The following SASS6 variants were observed in gnomAD, a reference collection of about 807,000 sequenced individuals.
SASS6 encodes SAS-6 centriolar assembly protein.
In SASS6, 59 loss-of-function variants were observed where a neutral mutation model predicts 94.9. The ratio of observed to expected loss-of-function variants is 0.62; its 90% CI spans 0.50 to 0.77. SASS6 has a LOEUF of 0.77. Ranked by LOEUF, SASS6 falls within the 30% of genes least tolerant of loss-of-function variation. SASS6 has a pLI of 0.00. For synonymous variants in SASS6, 264 were observed against 270.0 expected (o/e 0.98, Z 0.22); for missense variants, 698 against 734.1 (o/e 0.95, Z 0.57).
At chr1:100,103,152 G>A in intron 13 of SASS6, 69 bp from the exon 14 acceptor site, 1 of 993,226 alleles carries the variant, frequency 1.0e-6, no homozygotes. Context: ...TTGATCAGGT[G>A]GCATTAGCAT....
chr1:100,130,689 G>GAAA lies in SASS6; in HGVS notation c.65+2058_65+2060dup, dbSNP rs369101016. Among the ~76,000 whole-genome samples, 20 of 135,130 alleles carry GAAA rather than the reference G, an allele frequency of 1.5e-4. 1 individual carries two copies. Among genetic ancestry groups the GAAA allele is most frequent in the East Asian group, 6.4e-4 (3 of 4,724 alleles). The allele number at this position is 135,130 out of a possible 152,430, so 88.7% of individuals were successfully genotyped here. A position where few individuals can be genotyped will look rare whatever the true frequency, so the allele number is the denominator to read the frequency against. On this transcript the variant is annotated intron_variant, in intron 1 of 16. Coordinates refer to ENST00000287482, the MANE Select transcript of SASS6 (RefSeq NM_194292.3). ...GGGCAACAGAGCGAGACTCTGTCTA[G>GAAA]AAAAAAAAAAAAAAAGAGAGAGAGA...
chr1:100,102,386 G>A (rs544781360), intron 14 of SASS6, among the ~76,000 whole-genome samples: 36 of 152,140 alleles, frequency 2.4e-4, no homozygotes, highest in African/African-American at 8.4e-4. Context: ...GAATAAAAAC[G>A]GAAAGGCTGG....
chr1:100,107,209 T>C (rs951279702), intron 11 of SASS6, among the ~76,000 whole-genome samples, 165 bp downstream of exon 11: 1 of 151,974 alleles, frequency 6.6e-6, no homozygotes, highest in African/African-American at 2.4e-5. Context: ...TCATGATAAC[T>C]AACTTTCCAA....
At chr1:100,131,912 A>T (rs569870809) in intron 1 of SASS6, among the ~76,000 whole-genome samples, 2 of 152,372 alleles carry the variant, frequency 1.3e-5, no homozygotes, top group African/African-American at 2.4e-5. Context: ...TACGCATGTT[A>T]TATCAGTTTT....
intron 14 of SASS6, among the ~76,000 whole-genome samples, chr1:100,098,451 A>G (rs1666029386): frequency 6.6e-6 from 1 of 152,180 alleles, no homozygotes; most frequent in South Asian, 2.1e-4. Flanking sequence ...GTTTTACAGA[A>G]CAGGAAACAT....
chr1:100,123,193 GA>G lies in SASS6; in HGVS notation c.206+16del. On this transcript the variant is annotated intron_variant, in intron 3 of 16. Coordinates refer to ENST00000287482, the MANE Select transcript of SASS6 (RefSeq NM_194292.3). ...TATTTTTTCACTAAATATAAGATCA[GA>G]AAAAAATTTAGTTACCTTTGAAAAT... 4.4e-6 allele frequency: 5 copies of G among 1,134,682 alleles called. No homozygotes were observed. Among genetic ancestry groups the G allele is most frequent in the South Asian group, 4.0e-5 (3 of 74,580 alleles). 70.3% of individuals were successfully genotyped at this position (1,134,682 alleles called of 1,614,324 possible). A position where few individuals can be genotyped will look rare whatever the true frequency, so the allele number is the denominator to read the frequency against.
chr1:100,088,501 G>A (rs1394840960), intron 14 of SASS6, among the ~76,000 whole-genome samples: 3 of 152,186 alleles, frequency 2.0e-5, no homozygotes, highest in South Asian at 2.1e-4. Context: ...TGTTGCCCAC[G>A]CTGGTCTCAA....
At chr1:100,130,553 G>A (rs187452138) in intron 1 of SASS6, among the ~76,000 whole-genome samples, 1 of 152,236 alleles carries the variant, frequency 6.6e-6, no homozygotes, top group East Asian at 1.9e-4. Flanking sequence ...GCCAGGCGTG[G>A]TGGTATGCGC....
chr1:100,132,176 C>T (rs1351560530), intron 1 of SASS6, among the ~76,000 whole-genome samples: 1 of 152,142 alleles, frequency 6.6e-6, no homozygotes, highest in African/African-American at 2.4e-5. Flanking sequence ...TACAAGGAGG[C>T]AATATTTATT....
intron 15 of SASS6, among the ~76,000 whole-genome samples, chr1:100,087,776 T>A (rs532148922): frequency 6.6e-6 from 1 of 152,250 alleles, no homozygotes; most frequent in Non-Finnish European, 1.5e-5. Context: ...GACATAGCCA[T>A]ATAAGAAAAC....
Position 100,107,954 on chromosome 1 carries a change from A to G in SASS6, c.912T>C (p.Ser304=). The change falls in exon 9 of 17, where the codon TCT becomes TCC. Residue 304 remains serine (S), a synonymous_variant. Coordinates refer to ENST00000287482, the MANE Select transcript of SASS6 (RefSeq NM_194292.3). ...QEVLSLRREN[S]TLDVECHEKE... Reference sequence around the variant, plus strand: ...TCTCGTGGCATTCAACATCTAGTGTAGAATTCTCTCTTCGCAAAGAGAGGA... The same window carrying G: ...TCTCGTGGCATTCAACATCTAGTGTGGAATTCTCTCTTCGCAAAGAGAGGA... 2 of 1,612,228 alleles carry G rather than the reference A, an allele frequency of 1.2e-6. No homozygotes were observed. The highest frequency in any genetic ancestry group is 1.1e-5 in the South Asian group (1 of 90,994).
At chr1:100,126,183 G>A (rs951171121) in intron 1 of SASS6, among the ~76,000 whole-genome samples, 11 of 152,178 alleles carry the variant, frequency 7.2e-5, no homozygotes, top group Non-Finnish European at 1.0e-4. Context: ...TGGGGATATC[G>A]TGAGGATTAA....
intron 3 of SASS6, among the ~76,000 whole-genome samples, chr1:100,122,909 C>T (rs924908173): frequency 5.3e-5 from 8 of 151,922 alleles, no homozygotes; most frequent in East Asian, 1.9e-4. Flanking sequence ...AATTTACTAA[C>T]GCTTGTTATA....
chr1:100,107,581 C>A (rs1653001473), intron 10 of SASS6, 28 bp from the exon 11 acceptor site: 2 of 1,562,204 alleles, frequency 1.3e-6, no homozygotes, highest in African/African-American at 2.7e-5. Context: ...ATGTATATTT[C>A]TATGTAATTT....
intron 14 of SASS6, among the ~76,000 whole-genome samples, chr1:100,098,485 G>A (rs971338115): frequency 1.1e-4 from 16 of 151,996 alleles, no homozygotes; most frequent in African/African-American, 3.9e-4. Context: ...ATAAAAAGAT[G>A]TTTCTCACTT....
At chr1:100,121,742 C>A (rs1363905811) in intron 4 of SASS6, among the ~76,000 whole-genome samples, 193 bp from the exon 5 acceptor site, 1 of 152,084 alleles carries the variant, frequency 6.6e-6, no homozygotes, top group Non-Finnish European at 1.5e-5. Context: ...TCCATGAGTT[C>A]ATGAGAAACA....
chr1:100,096,281 C>T (rs1395228873), intron 14 of SASS6, among the ~76,000 whole-genome samples: 1 of 152,090 alleles, frequency 6.6e-6, no homozygotes, highest in African/African-American at 2.4e-5. Context: ...TTAGACAATT[C>T]AACAGAGAAA....
rs1374322562 is a variant in SASS6 at position 100,132,912 on chromosome 1, G to A, written c.-98C>T. Reference sequence around the variant, plus strand: ...CGGGTCCTGATAAAGTTTGAGTTTGGCGCTCGGCTTCTGCGGAGGAGGCGG... The same window carrying A: ...CGGGTCCTGATAAAGTTTGAGTTTGACGCTCGGCTTCTGCGGAGGAGGCGG... On this transcript the variant is annotated 5_prime_UTR_variant, in exon 1 of 17. Transcript: ENST00000287482. 8.1e-7 allele frequency: 1 copy of A among 1,237,674 alleles called. No homozygotes were observed. Among genetic ancestry groups the A allele is most frequent in the Non-Finnish European group, 1.2e-6 (1 of 854,328 alleles). 76.7% of individuals were successfully genotyped at this position (1,237,674 alleles called of 1,614,324 possible).
chr1:100,102,604 G>C (rs947512353), intron 14 of SASS6, among the ~76,000 whole-genome samples: 1 of 151,080 alleles, frequency 6.6e-6, no homozygotes, highest in Non-Finnish European at 1.5e-5. Flanking sequence ...ACTGAACCCA[G>C]GAGGCAGAGG....
Sources: allele counts gnomAD v4.1 joint callset (sites outside exome capture counted in the v4.1 genomes callset), GRCh38; gene constraint gnomAD v4.1.1; transcripts MANE v1.5; gene names NCBI Gene and HGNC (gene_info 2026-07-23, HGNC 2026-07-21).